MYBL2: variants seen among roughly 807,000 people sequenced by gnomAD.
MYBL2 encodes the protein MYB proto-oncogene like 2.
Under a neutral mutation model 79.9 loss-of-function variants are expected in MYBL2, and 28 were observed. The observed-to-expected ratio is 0.35, with a 90% CI of 0.26 to 0.48. MYBL2 has a LOEUF of 0.48. Among genes scored for constraint, MYBL2 ranks in the 20% least tolerant of loss-of-function variants. MYBL2 has a pLI of 0.99. For synonymous variants in MYBL2, 378 were observed against 361.2 expected, an observed-to-expected ratio of 1.05 and a Z score of -0.53; for missense variants, 735 against 893.9, an observed-to-expected ratio of 0.82 and a Z score of 2.27.
At position 43,707,305 on chromosome 20, in the gene MYBL2, G is replaced by A. The variant is rs530876020; in HGVS notation, c.1505+1947G>A. Among the ~76,000 whole-genome samples, 10 of 152,016 alleles carry A rather than the reference G, an allele frequency of 6.6e-5. No individual in the cohort carries two copies. The South Asian group carries it at 1.5e-3, about 22-fold the overall frequency. Reference sequence around the variant, plus strand: ...CGTTCAAACCAGAATCTTGGACTTCGCATCTAAGCCCTTAAACAGAGATGC... The same window carrying A: ...CGTTCAAACCAGAATCTTGGACTTCACATCTAAGCCCTTAAACAGAGATGC... On this transcript the variant is annotated intron_variant, in intron 9 of 13. Transcript: ENST00000217026.
intron 2 of MYBL2, among the ~76,000 whole-genome samples, chr20:43,675,365 G>T (rs1986979575): frequency 2.0e-5 from 3 of 151,022 alleles, no homozygotes; most frequent in Non-Finnish European, 2.9e-5. Context: ...CCAGGCTGAA[G>T]TGCAATGGCG....
chr20:43,675,761 T>TTGTG (rs34999422), intron 2 of MYBL2, among the ~76,000 whole-genome samples: 22,040 of 148,042 alleles, frequency 0.15, 2,411 homozygotes, highest in African/African-American at 0.31. Context: ...TTTGGGGGCT[T>TTGTG]TGTGTGTGTG....
chr20:43,685,812 C>T (rs1368349060), intron 4 of MYBL2, among the ~76,000 whole-genome samples: 5 of 151,780 alleles, frequency 3.3e-5, no homozygotes, highest in Admixed American at 1.3e-4. Context: ...CCAAGTCGGG[C>T]GGATCACCTG....
chr20:43,686,629 C>T (rs1167462919), intron 4 of MYBL2, among the ~76,000 whole-genome samples: 2 of 152,132 alleles, frequency 1.3e-5, no homozygotes, highest in Admixed American at 6.6e-5. Flanking sequence ...AGATTTATTC[C>T]AGGCAATAAA....
At chr20:43,674,012 A>G in intron 2 of MYBL2, 113 bp downstream of exon 2, 3 of 927,234 alleles carry the variant, frequency 3.2e-6, no homozygotes, top group Non-Finnish European at 5.1e-6. Flanking sequence ...GAGCCGGTGA[A>G]GGAAGGGATG....
Position 43,716,117 on chromosome 20 carries a change from A to G in MYBL2, c.*30A>G, listed in dbSNP as rs1988027344. On this transcript the variant is annotated 3_prime_UTR_variant, in exon 14 of 14. Coordinates refer to ENST00000217026, the MANE Select transcript of MYBL2 (RefSeq NM_002466.4). ...TTGAGGGTGTCACGAGCCCATTCTCATGTTTACAGGGGTTGTGGGGGCAGA... is the reference window on the plus strand; with the variant it reads ...TTGAGGGTGTCACGAGCCCATTCTCGTGTTTACAGGGGTTGTGGGGGCAGA... The G allele has an allele frequency of 6.3e-7, 1 of 1,597,418 alleles. No individual in the cohort carries two copies. Among genetic ancestry groups the G allele is most frequent in the Non-Finnish European group, 8.5e-7 (1 of 1,176,652 alleles).
intron 9 of MYBL2, 144 bp from the exon 10 acceptor site, chr20:43,709,818 TG>T: frequency 1.6e-6 from 1 of 642,722 alleles, no homozygotes; most frequent in Non-Finnish European, 2.7e-6. Flanking sequence ...GCCCCTGACT[TG>T]GACCTGCAGG....
chr20:43,707,773 C>G (rs933643086), intron 9 of MYBL2, among the ~76,000 whole-genome samples: 3 of 152,208 alleles, frequency 2.0e-5, no homozygotes, highest in East Asian at 3.9e-4. Flanking sequence ...TTTTTTCCCC[C>G]CCGGCTTTCA....
At chr20:43,678,165 C>T (rs1049309685) in intron 2 of MYBL2, among the ~76,000 whole-genome samples, 2 of 152,192 alleles carry the variant, frequency 1.3e-5, no homozygotes, top group South Asian at 2.1e-4. Context: ...ACAAACACTG[C>T]GGAAGGCCGC....
At chr20:43,692,341 T>C in intron 6 of MYBL2, 22 bp downstream of exon 6, 1 of 1,612,634 alleles carries the variant, frequency 6.2e-7, no homozygotes, top group Non-Finnish European at 8.5e-7. Flanking sequence ...GCTCAGCCTT[T>C]GGCTTGGTTT....
At chr20:43,669,388 G>T (rs574560261) in intron 1 of MYBL2, among the ~76,000 whole-genome samples, 1 of 152,188 alleles carries the variant, frequency 6.6e-6, no homozygotes, top group African/African-American at 2.4e-5. Context: ...TCTCCCATGA[G>T]GGGCTCAGTG....
chr20:43,678,722 G>T (rs1369345576), intron 2 of MYBL2, among the ~76,000 whole-genome samples: 1 of 151,928 alleles, frequency 6.6e-6, no homozygotes, highest in Non-Finnish European at 1.5e-5. Context: ...GCTGGGTGTG[G>T]TTGTGGGCAC....
At chr20:43,698,634 T>A (rs1453448462) in intron 6 of MYBL2, among the ~76,000 whole-genome samples, 1 of 150,364 alleles carries the variant, frequency 6.7e-6, no homozygotes, top group African/African-American at 2.4e-5. Context: ...CGTCTCGGCC[T>A]CCCAATGTGC....
chr20:43,677,883 G>T (rs1165431513), intron 2 of MYBL2, among the ~76,000 whole-genome samples: 3 of 152,368 alleles, frequency 2.0e-5, no homozygotes, highest in Middle Eastern at 6.8e-3. Context: ...GTGGGGAAAA[G>T]ATTGAGAAAT....
intron 6 of MYBL2, among the ~76,000 whole-genome samples, chr20:43,697,501 C>T (rs1987571908): frequency 6.6e-6 from 1 of 151,984 alleles, no homozygotes; most frequent in Admixed American, 6.6e-5. Flanking sequence ...GTCCCAGCTG[C>T]TCAGGAGGCT....
In MYBL2 at chr20:43,710,061, T is replaced by C; in HGVS notation, c.1604T>C (p.Leu535Pro). ...ALEKYGPLKP[L>P]PQTPHLEEDL... ...GAGAAGTACGGACCCCTGAAGCCCC[T>C]GGTACGTGGTGTGGTCGCTGCCGTG... The change falls in exon 10 of 14, where the codon CTG (leucine) becomes CCG (proline). Residue 535 changes from leucine to proline, a missense_variant and splice_region_variant. This residue lies in a region of MYBL2 where 243 missense variants were observed against 327.2 expected (regional missense o/e 0.74). Coordinates refer to ENST00000217026, the MANE Select transcript of MYBL2 (RefSeq NM_002466.4). 1.3e-6 allele frequency: 2 copies of C among 1,598,384 alleles called. No individual in the cohort carries two copies. Among genetic ancestry groups the C allele is most frequent in the Non-Finnish European group, 1.7e-6 (2 of 1,171,546 alleles).
chr20:43,682,263 T>TA (rs35870084), intron 3 of MYBL2, among the ~76,000 whole-genome samples: 1,774 of 152,148 alleles, frequency 0.012, 23 homozygotes, highest in African/African-American at 0.029. Flanking sequence ...TTCGAGTATT[T>TA]AGAGCCTCCT....
intron 4 of MYBL2, 134 bp from the exon 5 acceptor site, chr20:43,686,718 G>C: frequency 1.2e-6 from 1 of 821,654 alleles, no homozygotes; most frequent in African/African-American, 1.7e-5. Context: ...CCTGCAGCTC[G>C]CTCAGTGTTG....
intron 9 of MYBL2, among the ~76,000 whole-genome samples, chr20:43,706,904 C>T (rs142690381): frequency 1.3e-5 from 2 of 150,856 alleles, no homozygotes; most frequent in African/African-American, 2.4e-5. Context: ...TTAGTAGAAA[C>T]GAGGTTTCAC....
Sources: allele counts gnomAD v4.1 joint callset (sites outside exome capture counted in the v4.1 genomes callset), GRCh38; gene constraint gnomAD v4.1.1; regional missense constraint gnomAD v4.1.1; transcripts MANE v1.5; gene names NCBI Gene and HGNC (gene_info 2026-07-23, HGNC 2026-07-21).